GRM8: variants seen among roughly 807,000 people sequenced by gnomAD.
GRM8 encodes metabotropic glutamate receptor 8.
In GRM8, 47 loss-of-function variants were observed where a neutral mutation model predicts 87.2. The observed-to-expected ratio is 0.54, with a 90% confidence interval of 0.43 to 0.69. The LOEUF (loss-of-function observed/expected upper bound fraction) is 0.69. Ranked by LOEUF, GRM8 falls within the 30% of genes least tolerant of loss-of-function variation. The pLI, the probability that GRM8 is intolerant of heterozygous loss-of-function variation, is 0.00. For missense variants in GRM8, 1,019 were observed against 1,139.2 expected (o/e 0.89, Z 1.52); for synonymous variants, 396 against 404.5 (o/e 0.98, Z 0.25).
At chr7:127,106,134 T>A (rs1230969219) in intron 3 of GRM8, among the ~76,000 whole-genome samples, 4 of 152,270 alleles carry the variant, frequency 2.6e-5, no homozygotes, top group Admixed American at 1.3e-4. Context: ...TGACTTTTTT[T>A]AAATTTAATG....
At chr7:126,553,382 T>G (rs560053427) in intron 8 of GRM8, among the ~76,000 whole-genome samples, 130 of 152,312 alleles carry the variant, frequency 8.5e-4, no homozygotes, top group Admixed American at 4.6e-3. Flanking sequence ...GTTGGGTTAT[T>G]TTAATTAAAT....
At chr7:127,123,305 C>T (rs182337397) in intron 2 of GRM8, among the ~76,000 whole-genome samples, 1 of 152,204 alleles carries the variant, frequency 6.6e-6, no homozygotes. Flanking sequence ...AAATTTCATC[C>T]CCAGTGTTGG....
chr7:127,092,890 A>G (rs1259039243), intron 3 of GRM8, among the ~76,000 whole-genome samples: 1 of 152,198 alleles, frequency 6.6e-6, no homozygotes, highest in Non-Finnish European at 1.5e-5. Flanking sequence ...TCTTCATGCC[A>G]CCTGCACCTG....
intron 2 of GRM8, among the ~76,000 whole-genome samples, chr7:127,112,815 T>C (rs1015106362): frequency 1.3e-5 from 2 of 152,224 alleles, no homozygotes; most frequent in African/African-American, 2.4e-5. Context: ...AAAATGGCCA[T>C]GAAAACTTCA....
At chr7:127,216,993 A>C (rs957651549) in intron 2 of GRM8, among the ~76,000 whole-genome samples, 2 of 152,188 alleles carry the variant, frequency 1.3e-5, no homozygotes, top group Non-Finnish European at 2.9e-5. Context: ...TTCACAGTCC[A>C]TATCAGTATC....
chr7:127,212,410 A>ATTTTTTTTTTTTTTTTT (rs144077638), intron 2 of GRM8, among the ~76,000 whole-genome samples: 3 of 97,720 alleles, frequency 3.1e-5, no homozygotes, highest in East Asian at 3.0e-4. Flanking sequence ...ACATGGTGTT[A>ATTTTTTTTTTTTTTTTT]TTTTTTTTTT....
At chr7:127,233,026 T>G (rs1797782639) in intron 2 of GRM8, among the ~76,000 whole-genome samples, 1 of 152,038 alleles carries the variant, frequency 6.6e-6, no homozygotes, top group Non-Finnish European at 1.5e-5. Flanking sequence ...GAGACGGGGT[T>G]TCACCATGTT....
intron 3 of GRM8, among the ~76,000 whole-genome samples, chr7:127,066,598 G>A (rs1055375919): frequency 2.6e-5 from 4 of 152,166 alleles, no homozygotes; most frequent in African/African-American, 4.8e-5. Context: ...ATAGTGATGA[G>A]ATCTGGGTAA....
At chr7:126,587,117 C>T (rs1796216615) in intron 8 of GRM8, among the ~76,000 whole-genome samples, 1 of 152,124 alleles carries the variant, frequency 6.6e-6, no homozygotes, top group Non-Finnish European at 1.5e-5. Context: ...CAAATCAAAA[C>T]CACAATGAGA....
At chr7:126,609,825 A>G (rs1478278601) in intron 7 of GRM8, among the ~76,000 whole-genome samples, 1 of 152,266 alleles carries the variant, frequency 6.6e-6, no homozygotes, top group African/African-American at 2.4e-5. Flanking sequence ...ATGATAGTTA[A>G]TAGAGAAAAA....
chr7:126,932,099 T>C (rs1805826903), intron 3 of GRM8, among the ~76,000 whole-genome samples: 1 of 152,166 alleles, frequency 6.6e-6, no homozygotes, highest in Non-Finnish European at 1.5e-5. Context: ...GGAATCTCAC[T>C]AGCATCTCTA....
intron 6 of GRM8, among the ~76,000 whole-genome samples, chr7:126,827,319 T>C (rs1267782059): frequency 6.6e-6 from 1 of 152,202 alleles, no homozygotes; most frequent in Non-Finnish European, 1.5e-5. Flanking sequence ...TATGGCCATT[T>C]TCATGATATT....
At chr7:126,945,899 C>G (rs1388733023) in intron 3 of GRM8, among the ~76,000 whole-genome samples, 1 of 152,150 alleles carries the variant, frequency 6.6e-6, no homozygotes, top group Non-Finnish European at 1.5e-5. Flanking sequence ...GAAAGTAGAA[C>G]AGTAGAAGAC....
At chr7:126,536,890 A>G (rs1452927196) in intron 8 of GRM8, among the ~76,000 whole-genome samples, 2 of 152,166 alleles carry the variant, frequency 1.3e-5, no homozygotes, top group Non-Finnish European at 2.9e-5. Context: ...TGGAAACATT[A>G]AACTTCAAGA....
intron 7 of GRM8, among the ~76,000 whole-genome samples, chr7:126,708,883 A>G (rs1403751954): frequency 2.0e-5 from 3 of 152,094 alleles, no homozygotes; most frequent in Non-Finnish European, 4.4e-5. Context: ...CAGGAAGATT[A>G]AATTTTAAGA....
intron 6 of GRM8, among the ~76,000 whole-genome samples, chr7:126,823,508 C>T (rs1026473439): frequency 1.3e-5 from 2 of 152,062 alleles, no homozygotes; most frequent in African/African-American, 4.8e-5. Flanking sequence ...CTAGATGTGA[C>T]CCTGTCTAAG....
At chr7:126,973,125 T>C (rs1810603562) in intron 3 of GRM8, among the ~76,000 whole-genome samples, 1 of 152,176 alleles carries the variant, frequency 6.6e-6, no homozygotes, top group African/African-American at 2.4e-5. Flanking sequence ...TAGTTTAGGA[T>C]GCACCAGAAA....
Position 126,777,279 on chromosome 7 carries a change from C to T in GRM8, c.1157-7214G>A, listed in dbSNP as rs74680605. Reference sequence around the variant, plus strand: ...ACAAATAATTAAAATGGTAAGAGTACTTCACAAATAGTATCCCTTTAATTC... The same window carrying T: ...ACAAATAATTAAAATGGTAAGAGTATTTCACAAATAGTATCCCTTTAATTC... On this transcript the variant is annotated intron_variant, in intron 6 of 10. Coordinates refer to ENST00000339582, the MANE Select transcript of GRM8 (RefSeq NM_000845.3). Among the ~76,000 whole-genome samples the T allele has an allele frequency of 1.1e-4, 16 of 152,220 alleles. No individual in the cohort carries two copies. In the East Asian group the frequency reaches 3.1e-3, roughly 29 times the overall value.
chr7:126,445,428 T>C (rs971327597), intron 10 of GRM8: 1 of 152,186 alleles, frequency 6.6e-6, no homozygotes, highest in African/African-American at 2.4e-5. Context: ...CTGTGTATTG[T>C]TATCATGTGC....
Sources: gnomAD v4.1 joint callset for allele counts (sites outside exome capture counted in the v4.1 genomes callset) on GRCh38, gnomAD v4.1.1 for gene constraint, MANE v1.5 for transcripts, NCBI Gene and HGNC (gene_info 2026-07-23, HGNC 2026-07-21) for gene names.